MYH11: variants seen among roughly 807,000 people sequenced by gnomAD.
The protein encoded by MYH11 is myosin heavy chain 11, also known as myosin-11.
MYH11 carries 80 observed loss-of-function variants against 246.6 expected under a neutral mutation model. The ratio of observed to expected loss-of-function variants is 0.32; its 90% CI spans 0.27 to 0.39. MYH11 has a LOEUF of 0.39. Ranked by LOEUF, MYH11 falls within the 10% of genes least tolerant of loss-of-function variation. MYH11 has a pLI of 1.00. For missense variants in MYH11, 2,158 were observed against 2,546.8 expected (o/e 0.85, Z 3.29); for synonymous variants, 1,071 against 1,015.5 (o/e 1.05, Z -1.04).
Position 15,813,719 on chromosome 16 carries a change from A to T in MYH11, c.502+9536T>A, listed in dbSNP as rs189045190. 3.7e-3 allele frequency among the ~76,000 whole-genome samples: 563 copies of T among 152,198 alleles called. 2 individuals are homozygous for T. The highest frequency in any genetic ancestry group is 5.4e-3 in the Non-Finnish European group (366 of 68,008). On this transcript the variant is annotated intron_variant, in intron 3 of 40. Transcript: ENST00000300036. The stretch of plus-strand genomic sequence containing the variant: ...AATACATGAACCAGTTTAGCCGGGC[A>T]TGGTGGCTCATGCCTGGAATCCCAG...
At chr16:15,831,552 G>A (rs1370873162) in intron 2 of MYH11, among the ~76,000 whole-genome samples, 2 of 151,436 alleles carry the variant, frequency 1.3e-5, no homozygotes, top group Non-Finnish European at 2.9e-5. Context: ...GCTGCTTTTT[G>A]TGATACATAC....
At chr16:15,844,202 C>T (rs1318999173) in intron 1 of MYH11, among the ~76,000 whole-genome samples, 1 of 152,110 alleles carries the variant, frequency 6.6e-6, no homozygotes, top group African/African-American at 2.4e-5. Context: ...CTAAACAATG[C>T]AGTAAACTCC....
intron 27 of MYH11, among the ~76,000 whole-genome samples, chr16:15,731,307 C>G (rs1021900741): frequency 1.3e-5 from 2 of 152,162 alleles, no homozygotes; most frequent in Non-Finnish European, 2.9e-5. Context: ...TAGGACCAGA[C>G]TGTTTGGGTG....
At chr16:15,761,789 A>C (rs1180835812) in intron 10 of MYH11, among the ~76,000 whole-genome samples, 1 of 151,994 alleles carries the variant, frequency 6.6e-6, no homozygotes, top group Non-Finnish European at 1.5e-5. Flanking sequence ...GATTCCATTA[A>C]TTTGCCAGAT....
chr16:15,843,454 G>T (rs980249761), intron 1 of MYH11, among the ~76,000 whole-genome samples: 1 of 151,840 alleles, frequency 6.6e-6, no homozygotes, highest in African/African-American at 2.4e-5. Flanking sequence ...ACTTTGGGAG[G>T]CTGAGGCGGG....
intron 22 of MYH11, chr16:15,741,091 C>A: frequency 2.6e-6 from 1 of 379,346 alleles, no homozygotes; most frequent in Non-Finnish European, 5.0e-6. Context: ...CAGGCCGGAC[C>A]CTCAGCCAGA....
chr16:15,717,542 C>T (rs576337468), intron 37 of MYH11, 194 bp from the exon 38 acceptor site: 9 of 616,512 alleles, frequency 1.5e-5, no homozygotes, highest in Admixed American at 8.7e-5. Flanking sequence ...CGCCTGTAAT[C>T]CCAGCACTTT....
chr16:15,783,873 T>C (rs1055825017), intron 5 of MYH11, among the ~76,000 whole-genome samples: 1 of 151,974 alleles, frequency 6.6e-6, no homozygotes, highest in African/African-American at 2.4e-5. Flanking sequence ...AGATCCCAAA[T>C]AAGAACTGTA....
chr16:15,726,689 A>G (rs1390676631), intron 28 of MYH11, 159 bp downstream of exon 28: 2 of 859,516 alleles, frequency 2.3e-6, no homozygotes, highest in Non-Finnish European at 3.7e-6. Flanking sequence ...TTAATATTTA[A>G]TTGAACAGGG....
In MYH11 at chr16:15,719,630, C is replaced by T; in HGVS notation, c.5037G>A (p.Glu1679=). Residue 1679 remains glutamate, a synonymous_variant, in exon 35 of 41, where the codon GAG becomes GAA. Transcript: ENST00000300036. ...CTGCTTCCAAGCTCTTGGCTTTCTT[C>T]TCATTCTCTTTGGCTGTGGCAAAGA... ...DEIFATAKEN[E]KKAKSLEADL... is the part of the protein sequence containing the mutation. The T allele has an allele frequency of 6.2e-7, 1 of 1,614,198 alleles. No homozygotes were observed. Among genetic ancestry groups the T allele is most frequent in the South Asian group, 1.1e-5 (1 of 91,080 alleles).
At chr16:15,827,355 G>A (rs1487833254) in intron 2 of MYH11, among the ~76,000 whole-genome samples, 1 of 152,224 alleles carries the variant, frequency 6.6e-6, no homozygotes, top group Non-Finnish European at 1.5e-5. Context: ...ACAACAAGGT[G>A]TTAACCAGCT....
At chr16:15,788,288 T>G (rs1399638189) in intron 4 of MYH11, among the ~76,000 whole-genome samples, 1 of 151,918 alleles carries the variant, frequency 6.6e-6, no homozygotes, top group East Asian at 1.9e-4. Context: ...TGTGTTTCCT[T>G]TCTTTGCCTT....
chr16:15,798,608 T>TAAAAAAAAAAAAAAAAAAA lies in MYH11; in HGVS notation c.530+51_530+52insTTTTTTTTTTTTTTTTTTT, dbSNP rs374559754. The TAAAAAAAAAAAAAAAAAAA allele has an allele frequency of 1.3e-5, 14 of 1,037,354 alleles. 1 individual carries two copies. The African/African-American group carries it at 1.4e-4, about 10-fold the overall frequency. 64.3% of individuals were successfully genotyped at this position (1,037,354 alleles called of 1,614,324 possible). A position where few individuals can be genotyped will look rare whatever the true frequency, so the allele number is the denominator to read the frequency against. On this transcript the variant is annotated intron_variant, in intron 4 of 40. Transcript: ENST00000300036. ...CATAGGTTGGATCTCGACTACAGAT[T>TAAAAAAAAAAAAAAAAAAA]AAAAAAAAAAAAAAACAAAAAAAAA... is the stretch of plus-strand genomic sequence containing the variant.
chr16:15,809,224 C>T (rs1366791030), intron 3 of MYH11, among the ~76,000 whole-genome samples: 1 of 152,110 alleles, frequency 6.6e-6, no homozygotes, highest in Non-Finnish European at 1.5e-5. Flanking sequence ...TCTAGGGCAA[C>T]ATCTAATAAT....
intron 3 of MYH11, among the ~76,000 whole-genome samples, chr16:15,821,054 T>G (rs897438461): frequency 6.6e-6 from 1 of 152,196 alleles, no homozygotes; most frequent in African/African-American, 2.4e-5. Context: ...GTATTTTTTG[T>G]AGAGACAGGG....
In MYH11 at chr16:15,751,155, T is replaced by C. The variant is rs200697886; in HGVS notation, c.1865-824A>G. ...TTATTATTATTATTATTATTATTAT[T>C]ATTATCATTATTTTATTTTATTGAG... On this transcript the variant is annotated intron_variant, in intron 15 of 40. Coordinates refer to ENST00000300036, the MANE Select transcript of MYH11 (RefSeq NM_002474.3). Among the ~76,000 whole-genome samples, 656 of 127,564 alleles carry C rather than the reference T, an allele frequency of 5.1e-3. 7 individuals carry two copies. Among genetic ancestry groups the C allele is most frequent in the African/African-American group, 0.016 (576 of 36,672 alleles). 83.7% of individuals were successfully genotyped at this position (127,564 alleles called of 152,430 possible).
chr16:15,725,952 C>G, intron 28 of MYH11: 3 of 358,002 alleles, frequency 8.4e-6, no homozygotes, highest in Non-Finnish European at 1.5e-5. Context: ...CCACTCTGTA[C>G]TATCTCCCCC....
intron 33 of MYH11, 54 bp downstream of exon 33, chr16:15,720,785 G>A: frequency 6.4e-7 from 1 of 1,556,072 alleles, no homozygotes; most frequent in Non-Finnish European, 8.8e-7. Flanking sequence ...AGTGGTGATA[G>A]GAATGAAAAA....
In MYH11 at chr16:15,740,139, T is replaced by TGCAGCTTCTGCCTG; in HGVS notation, c.2895_2908dup (p.Gln970ProfsTer47). ...GGCCTCAGCCGTGACCTTCTCAAGT[T>TGCAGCTTCTGCCTG]GCAGCTTCTGCCTGGCAGCTTCCTC... On this transcript the variant is annotated frameshift_variant, in exon 23 of 41. Coordinates refer to ENST00000300036, the MANE Select transcript of MYH11 (RefSeq NM_002474.3). LOFTEE classifies it high-confidence loss of function. 6.2e-7 allele frequency: 1 copy of TGCAGCTTCTGCCTG among 1,614,236 alleles called. No individual in the cohort carries two copies. The highest frequency in any genetic ancestry group is 8.5e-7 in the Non-Finnish European group (1 of 1,180,040).
Sources: gnomAD v4.1 joint callset for allele counts (sites outside exome capture counted in the v4.1 genomes callset) on GRCh38, gnomAD v4.1.1 for gene constraint, MANE v1.5 for transcripts, NCBI Gene and HGNC (gene_info 2026-07-23, HGNC 2026-07-21) for gene names.